Variants in MGAT4C observed in about 807,000 individuals in gnomAD.
MGAT4C encodes the protein MGAT4 family member C, also known as alpha-1,3-mannosyl-glycoprotein 4-beta-N-acetylglucosaminyltransferase C.
Under a neutral mutation model 40.1 loss-of-function variants are expected in MGAT4C, and 19 were observed. The observed-to-expected ratio is 0.47, with a 90% confidence interval of 0.33 to 0.70. The LOEUF is 0.70. Ranked by LOEUF, MGAT4C falls within the 30% of genes least tolerant of loss-of-function variation. The probability of loss-of-function intolerance (pLI) is 0.02; values close to 1 mark genes in which losing one functional copy is unlikely to be tolerated. For synonymous variants in MGAT4C, 181 were observed against 187.1 expected, an observed-to-expected ratio of 0.97 and a Z score of 0.27; for missense variants, 491 against 563.2, an observed-to-expected ratio of 0.87 and a Z score of 1.30.
rs962324256 is a variant in MGAT4C at position 86,076,765 on chromosome 12, C to T, written c.-56-27042G>A. On this transcript the variant is annotated intron_variant, in intron 1 of 4. Coordinates refer to ENST00000611864, the MANE Select transcript of MGAT4C (RefSeq NM_001351288.2). ...CGGCCCCCATGATTCAATGACCTCCCTCTGGGTCACAACCACAACACGTGG... is the reference window on the plus strand; with the variant it reads ...CGGCCCCCATGATTCAATGACCTCCTTCTGGGTCACAACCACAACACGTGG... Among the ~76,000 whole-genome samples the T allele has an allele frequency of 4.6e-5, 7 of 152,268 alleles. No individual in the cohort carries two copies. In the South Asian group the frequency reaches 8.3e-4, roughly 18 times the overall value.
chr12:86,810,529 C>T (rs1206789174), intron 1 of MGAT4C, among the ~76,000 whole-genome samples: 2 of 151,288 alleles, frequency 1.3e-5, no homozygotes, highest in Non-Finnish European at 3.0e-5. Context: ...TTTTTAAGAG[C>T]TTCTATCATG....
intron 2 of MGAT4C, chr12:86,013,671 C>G: frequency 1.1e-6 from 1 of 913,110 alleles, no homozygotes; most frequent in African/African-American, 1.8e-5. Flanking sequence ...CCATTTAATA[C>G]TGGTCCTACC....
chr12:86,176,817 T>G (rs1007646257), intron 1 of MGAT4C, among the ~76,000 whole-genome samples: 2 of 147,684 alleles, frequency 1.4e-5, no homozygotes, highest in Non-Finnish European at 3.0e-5. Flanking sequence ...ATATTTGCTG[T>G]TTTATTTTTC....
At position 86,301,908 on chromosome 12, in the gene MGAT4C, T is replaced by C. The variant is rs560264641; in HGVS notation, c.-57+32157A>G. On this transcript the variant is annotated intron_variant, in intron 4 of 7. Transcript: ENST00000548651. Reference sequence around the variant, plus strand: ...TAATGGAATCTTAGAATTGATAACATGCAGGATTCACAAGAATATCTGCCT... The same window carrying C: ...TAATGGAATCTTAGAATTGATAACACGCAGGATTCACAAGAATATCTGCCT... Among the ~76,000 whole-genome samples the C allele has an allele frequency of 2.6e-5, 4 of 151,600 alleles. No individual in the cohort carries two copies. In the East Asian group the frequency reaches 7.7e-4, roughly 29 times the overall value.
intron 1 of MGAT4C, among the ~76,000 whole-genome samples, chr12:86,086,128 T>A (rs779649584): frequency 6.6e-6 from 1 of 152,060 alleles, no homozygotes; most frequent in Non-Finnish European, 1.5e-5. Context: ...TAGCAAAGAC[T>A]TGGACCCAAC....
At chr12:86,235,779 C>T (rs1304856766) in intron 1 of MGAT4C, among the ~76,000 whole-genome samples, 3 of 152,020 alleles carry the variant, frequency 2.0e-5, no homozygotes, top group South Asian at 2.1e-4. Context: ...TAGATACTTG[C>T]TTCCTTCATT....
intron 1 of MGAT4C, among the ~76,000 whole-genome samples, chr12:86,237,010 T>TTA (rs201481874): frequency 2.3e-4 from 34 of 149,896 alleles, no homozygotes; most frequent in South Asian, 6.3e-4. Context: ...ATGTTAATAT[T>TTA]TATATATATA....
At chr12:86,533,649 G>A (rs1959020615) in intron 2 of MGAT4C, among the ~76,000 whole-genome samples, 1 of 150,796 alleles carries the variant, frequency 6.6e-6, no homozygotes, top group African/African-American at 2.4e-5. Context: ...ACACATTATT[G>A]TATATACACA....
chr12:86,483,960 C>T (rs767610719), intron 2 of MGAT4C, among the ~76,000 whole-genome samples: 1 of 151,414 alleles, frequency 6.6e-6, no homozygotes, highest in Admixed American at 6.6e-5. Flanking sequence ...GCAAGGTAAA[C>T]ACTGTGGCTA....
chr12:86,769,056 G>C (rs1264231835), intron 1 of MGAT4C, among the ~76,000 whole-genome samples: 2 of 152,070 alleles, frequency 1.3e-5, no homozygotes, highest in African/African-American at 2.4e-5. Context: ...CACAGCAAAA[G>C]AAACTACCAT....
intron 1 of MGAT4C, among the ~76,000 whole-genome samples, chr12:86,782,027 C>T (rs1593202174): frequency 6.6e-6 from 1 of 152,156 alleles, no homozygotes; most frequent in Non-Finnish European, 1.5e-5. Flanking sequence ...GCGTCTCGTT[C>T]TGTTGCCCAG....
At chr12:86,242,121 T>C (rs999443107) in intron 1 of MGAT4C, among the ~76,000 whole-genome samples, 2 of 152,148 alleles carry the variant, frequency 1.3e-5, no homozygotes, top group Middle Eastern at 3.2e-3. Context: ...TAGGAAAATA[T>C]TTAAGGGCTT....
At chr12:86,761,549 T>C (rs1951406498) in intron 1 of MGAT4C, among the ~76,000 whole-genome samples, 1 of 152,344 alleles carries the variant, frequency 6.6e-6, no homozygotes, top group African/African-American at 2.4e-5. Context: ...TATCCTCTTA[T>C]ATTTCTGGAG....
chr12:86,534,094 G>A (rs2136376313), intron 2 of MGAT4C, among the ~76,000 whole-genome samples: 1 of 152,124 alleles, frequency 6.6e-6, no homozygotes, highest in East Asian at 1.9e-4. Flanking sequence ...ACATTCTGTA[G>A]AGAATCCCCT....
chr12:86,261,952 T>G (rs910560031), intron 4 of MGAT4C, among the ~76,000 whole-genome samples: 1 of 152,074 alleles, frequency 6.6e-6, no homozygotes, highest in Non-Finnish European at 1.5e-5. Context: ...AGGTTGCAAT[T>G]TTTTGAATTT....
At chr12:86,608,116 C>T (rs1404138245) in intron 2 of MGAT4C, among the ~76,000 whole-genome samples, 1 of 152,134 alleles carries the variant, frequency 6.6e-6, no homozygotes, top group South Asian at 2.1e-4. Flanking sequence ...ATAATACAAA[C>T]TAGTACATAG....
chr12:86,282,408 T>C (rs550093967), intron 4 of MGAT4C, among the ~76,000 whole-genome samples: 1 of 152,228 alleles, frequency 6.6e-6, no homozygotes, highest in East Asian at 1.9e-4. Context: ...TTTTCAGTTC[T>C]AGAATTTTCA....
At chr12:86,492,542 G>A (rs958251071) in intron 2 of MGAT4C, among the ~76,000 whole-genome samples, 1 of 152,130 alleles carries the variant, frequency 6.6e-6, no homozygotes, top group Non-Finnish European at 1.5e-5. Flanking sequence ...ACAAGCAATG[G>A]GGAAAGGATT....
intron 1 of MGAT4C, among the ~76,000 whole-genome samples, chr12:86,213,694 T>C (rs527673956): frequency 2.6e-5 from 4 of 152,324 alleles, no homozygotes; most frequent in African/African-American, 9.6e-5. Context: ...TTCAAGAATA[T>C]TTACATATTC....
Sources: gnomAD v4.1 joint callset for allele counts (sites outside exome capture counted in the v4.1 genomes callset) on GRCh38, gnomAD v4.1.1 for gene constraint, MANE v1.5 for transcripts, NCBI Gene and HGNC (gene_info 2026-07-23, HGNC 2026-07-21) for gene names.